SLC6A11: variants seen among roughly 807,000 people sequenced by gnomAD.
The protein encoded by SLC6A11 is solute carrier family 6 member 11.
SLC6A11 carries 25 observed loss-of-function variants against 74.8 expected under a neutral mutation model. The observed-to-expected ratio is 0.33, with a 90% CI of 0.24 to 0.47. The LOEUF is 0.47. Among genes scored for constraint, SLC6A11 ranks in the 20% least tolerant of loss-of-function variants. The pLI is 1.00. For missense variants in SLC6A11, 574 were observed against 837.0 expected (o/e 0.69, Z 3.88); for synonymous variants, 330 against 330.2 (o/e 1.00, Z 0.01).
intron 6 of SLC6A11, among the ~76,000 whole-genome samples, chr3:10,900,757 C>T (rs1695230501): frequency 6.6e-6 from 1 of 152,190 alleles, no homozygotes; most frequent in Admixed American, 6.5e-5. Flanking sequence ...AAGAACCTGC[C>T]TGATCAGGCT....
intron 6 of SLC6A11, among the ~76,000 whole-genome samples, chr3:10,908,629 C>T (rs575768519): frequency 1.3e-4 from 20 of 152,296 alleles, no homozygotes; most frequent in Middle Eastern, 3.4e-3. Context: ...TCTTTCCCCC[C>T]ATCTGTCTCT....
intron 8 of SLC6A11, among the ~76,000 whole-genome samples, chr3:10,919,168 G>A (rs1318910373): frequency 6.6e-6 from 1 of 152,116 alleles, no homozygotes; most frequent in Non-Finnish European, 1.5e-5. Context: ...ACATGTGTTT[G>A]TAGCAAACCC....
chr3:10,913,104 G>T (rs985236960), intron 7 of SLC6A11, among the ~76,000 whole-genome samples: 9 of 147,122 alleles, frequency 6.1e-5, no homozygotes, highest in Admixed American at 2.7e-4. Context: ...TAAGTATTTT[G>T]GGGAAATCAT....
chr3:10,816,233 G>A lies in SLC6A11; in HGVS notation c.-33G>A. On this transcript the variant is annotated 5_prime_UTR_variant, in exon 1 of 14. Coordinates refer to ENST00000254488, the MANE Select transcript of SLC6A11 (RefSeq NM_014229.3). The surrounding 1 kb of genome is among the most constrained non-coding windows in gnomAD (Gnocchi z 4.2). ...AGCTCGCCCGGGGCGGCGGCGCAGA[G>A]CCGGGCCGGCGCACGAGGCAGCCAG... The A allele has an allele frequency of 1.6e-6, 2 of 1,283,154 alleles. No individual in the cohort carries two copies. The highest frequency in any genetic ancestry group is 3.3e-5 in the East Asian group (1 of 29,894). 79.5% of individuals were successfully genotyped at this position (1,283,154 alleles called of 1,614,324 possible).
intron 4 of SLC6A11, chr3:10,824,727 G>T (rs1694184108): frequency 6.6e-6 from 1 of 152,042 alleles, no homozygotes; most frequent in African/African-American, 2.4e-5. Context: ...ATTTATCCAG[G>T]TCCTCTTGGT....
intron 5 of SLC6A11, among the ~76,000 whole-genome samples, chr3:10,861,816 A>G (rs747338170): frequency 1.3e-5 from 2 of 152,164 alleles, no homozygotes; most frequent in Non-Finnish European, 2.9e-5. Context: ...CCAAGAAATG[A>G]AGCAGTTTTG....
intron 5 of SLC6A11, 106 bp downstream of exon 5, chr3:10,844,452 G>T: frequency 7.2e-7 from 1 of 1,396,248 alleles, no homozygotes; most frequent in East Asian, 2.3e-5. Flanking sequence ...CAGCACTTAA[G>T]TTGGGAGCGG....
At chr3:10,817,655 G>T (rs1475270560) in intron 1 of SLC6A11, among the ~76,000 whole-genome samples, 1 of 152,246 alleles carries the variant, frequency 6.6e-6, no homozygotes, top group East Asian at 1.9e-4. Flanking sequence ...CTATGAGTCT[G>T]TGCAGAGCAG....
intron 6 of SLC6A11, among the ~76,000 whole-genome samples, chr3:10,893,035 G>A (rs1363487008): frequency 6.6e-6 from 1 of 152,182 alleles, no homozygotes; most frequent in Non-Finnish European, 1.5e-5. Context: ...CTAGCACATA[G>A]TAGGTGCTCA....
intron 1 of SLC6A11, among the ~76,000 whole-genome samples, chr3:10,818,838 G>T (rs527733213): frequency 1.6e-4 from 24 of 152,310 alleles, no homozygotes; most frequent in African/African-American, 5.5e-4. Flanking sequence ...AATGCTTAGT[G>T]GTGGTCTTTT....
At chr3:10,908,460 A>G (rs1417583222) in intron 6 of SLC6A11, among the ~76,000 whole-genome samples, 6 of 152,192 alleles carry the variant, frequency 3.9e-5, no homozygotes, top group Non-Finnish European at 2.9e-5. Flanking sequence ...ACTTTTCCCC[A>G]TAGAGGTAGG....
At chr3:10,851,236 G>A (rs564410448) in intron 5 of SLC6A11, among the ~76,000 whole-genome samples, 5 of 152,024 alleles carry the variant, frequency 3.3e-5, no homozygotes, top group African/African-American at 9.7e-5. Flanking sequence ...CAGTGACTGG[G>A]AGGGGAGGGT....
chr3:10,932,253 G>A (rs1038311976), intron 10 of SLC6A11, among the ~76,000 whole-genome samples: 20 of 152,094 alleles, frequency 1.3e-4, no homozygotes, highest in Non-Finnish European at 2.2e-4. Flanking sequence ...TCATGGATTT[G>A]TATGCTACAG....
chr3:10,875,772 A>G (rs1610180), intron 6 of SLC6A11, among the ~76,000 whole-genome samples: 1 of 151,978 alleles, frequency 6.6e-6, no homozygotes, highest in Non-Finnish European at 1.5e-5. Context: ...GTGCCCTGGA[A>G]TACGTTAAAC....
intron 6 of SLC6A11, among the ~76,000 whole-genome samples, chr3:10,893,433 A>G (rs896748739): frequency 6.6e-6 from 1 of 152,154 alleles, no homozygotes; most frequent in East Asian, 1.9e-4. Flanking sequence ...TCAGGAGTTC[A>G]GAGGTGTTTT....
chr3:10,898,388 C>T (rs1439583252), intron 6 of SLC6A11, among the ~76,000 whole-genome samples: 1 of 152,218 alleles, frequency 6.6e-6, no homozygotes, highest in Non-Finnish European at 1.5e-5. Context: ...CTTTTATGCT[C>T]TGCTTCCCTT....
At chr3:10,891,955 G>A (rs1301752498) in intron 6 of SLC6A11, among the ~76,000 whole-genome samples, 1 of 152,204 alleles carries the variant, frequency 6.6e-6, no homozygotes, top group African/African-American at 2.4e-5. Flanking sequence ...AGAGCTCTGA[G>A]CAACACAAGG....
At chr3:10,826,413 G>A (rs1401045402) in intron 4 of SLC6A11, among the ~76,000 whole-genome samples, 2 of 152,194 alleles carry the variant, frequency 1.3e-5, no homozygotes, top group African/African-American at 4.8e-5. Context: ...ACATTTGGGG[G>A]TCTGCAGAAC....
At chr3:10,839,467 T>A (rs1385989682) in intron 4 of SLC6A11, among the ~76,000 whole-genome samples, 1 of 152,184 alleles carries the variant, frequency 6.6e-6, no homozygotes, top group East Asian at 1.9e-4. Context: ...CTGCTGGAGA[T>A]GCCCCTCCCT....
Sources: allele counts gnomAD v4.1 joint callset (sites outside exome capture counted in the v4.1 genomes callset), GRCh38; gene constraint gnomAD v4.1.1; non-coding constraint Gnocchi (gnomAD v3.1); transcripts MANE v1.5; gene names NCBI Gene and HGNC (gene_info 2026-07-23, HGNC 2026-07-21).